The following OARD1 variants were observed in gnomAD, a reference collection of about 807,000 sequenced individuals.
OARD1 encodes ADP-ribose glycohydrolase OARD1.
Under a neutral mutation model 19.7 loss-of-function variants are expected in OARD1, and 19 were observed. That is an observed-to-expected ratio of 0.96 (90% CI 0.67 to 1.41). The LOEUF (loss-of-function observed/expected upper bound fraction) is 1.41, where lower values mean the gene tolerates loss of function less well. Among genes scored for constraint, OARD1 ranks in the 40% most tolerant of loss-of-function variants. The pLI, the probability that OARD1 is intolerant of heterozygous loss-of-function variation, is 0.00. For synonymous variants in OARD1, 70 were observed against 61.8 expected (o/e 1.13, Z -0.62); for missense variants, 190 against 183.8 (o/e 1.03, Z -0.20).
At chr6:41,090,894 AGTTAAAT>A (rs1247068288) in intron 1 of OARD1, among the ~76,000 whole-genome samples, 2 of 152,254 alleles carry the variant, frequency 1.3e-5, no homozygotes, top group African/African-American at 4.8e-5. Context: ...TTAGTCAAAT[AGTTAAAT>A]CAAAAAAGGA....
At chr6:41,072,588 C>A (rs1031552475), upstream of OARD1, 2 of 152,480 alleles carry the variant, frequency 1.3e-5, no homozygotes, top group Admixed American at 6.5e-5. Flanking sequence ...GGTTTCCCGC[C>A]GCCGCCCGCG....
chr6:41,089,483 A>AT (rs1764139930), intron 1 of OARD1: 2 of 1,354,218 alleles, frequency 1.5e-6, no homozygotes, highest in Non-Finnish European at 1.9e-6. Context: ...TCTTCAGAAC[A>AT]TTTTCTGCTT....
upstream of OARD1, among the ~76,000 whole-genome samples, chr6:41,073,764 C>T (rs1372567033): frequency 2.0e-5 from 3 of 152,012 alleles, no homozygotes; most frequent in African/African-American, 7.2e-5. Flanking sequence ...GTTAGTTCGC[C>T]CACTCCCCCT....
intron 1 of OARD1, among the ~76,000 whole-genome samples, chr6:41,096,440 T>G (rs1226350356): frequency 6.6e-6 from 1 of 152,224 alleles, no homozygotes; most frequent in Non-Finnish European, 1.5e-5. Context: ...TTCAGCCTCT[T>G]TTATTTTTAT....
intron 1 of OARD1, among the ~76,000 whole-genome samples, chr6:41,087,767 A>G (rs772000882): frequency 2.6e-5 from 4 of 152,234 alleles, no homozygotes; most frequent in Admixed American, 6.5e-5. Context: ...TGTACACCCA[A>G]CATTTAAAGG....
intron 1 of OARD1, among the ~76,000 whole-genome samples, chr6:41,085,356 A>C (rs1006383801): frequency 6.6e-6 from 1 of 152,228 alleles, no homozygotes; most frequent in Non-Finnish European, 1.5e-5. Context: ...AATAAATCAT[A>C]ATATATTCAT....
intron 1 of OARD1, chr6:41,092,873 TTCATGCCACCAATAAGCTCTGGTTTCC>T (rs1358782346): frequency 3.8e-6 from 6 of 1,590,200 alleles, no homozygotes; most frequent in Non-Finnish European, 5.1e-6. Context: ...ATGTCCATAC[TTCATGCCACCAATAAGCTCTGGTTTCC>T]TGTTCACACA....
chr6:41,090,360 C>A, intron 1 of OARD1: 2 of 1,158,948 alleles, frequency 1.7e-6, no homozygotes, highest in South Asian at 2.5e-5. Flanking sequence ...ACTTTTTTGT[C>A]CCTTAGACAA....
At chr6:41,074,051 T>C (rs985014544), upstream of OARD1, among the ~76,000 whole-genome samples, 1 of 152,212 alleles carries the variant, frequency 6.6e-6, no homozygotes, top group Non-Finnish European at 1.5e-5. Flanking sequence ...ACTAATCTTA[T>C]CCACTGCTCA....
chr6:41,080,806 C>G, intron 1 of OARD1: 3 of 1,611,968 alleles, frequency 1.9e-6, no homozygotes, highest in Non-Finnish European at 2.5e-6. Context: ...TGTTCCTGTT[C>G]TCAGCAGCAG....
chr6:41,090,194 T>C (rs1382839747), intron 1 of OARD1: 3 of 1,573,718 alleles, frequency 1.9e-6, no homozygotes, highest in African/African-American at 2.7e-5. Context: ...TCATTACTTA[T>C]TTCCTCCAGA....
At position 41,091,788 on chromosome 6, in the gene OARD1, T is replaced by A. The variant is rs543371739; in HGVS notation, c.-42+5925A>T. On this transcript the variant is annotated intron_variant, in intron 1 of 4. Coordinates refer to the OARD1 transcript ENST00000480585. ...ATTTATTATGTTGACCTCTTGGGAT[T>A]GAGATCGATCCTTAAGGCACTGTCG... 3.5e-5 allele frequency: 50 copies of A among 1,410,026 alleles called. 1 individual carries two copies. The African/African-American group carries it at 5.0e-4, about 14-fold the overall frequency. The allele number at this position is 1,410,026 out of a possible 1,614,324, so 87.3% of individuals were successfully genotyped here.
At chr6:41,086,271 C>T (rs915956067) in intron 1 of OARD1, among the ~76,000 whole-genome samples, 3 of 152,066 alleles carry the variant, frequency 2.0e-5, no homozygotes, top group Admixed American at 6.5e-5. Flanking sequence ...ATTTAATTGT[C>T]GGTTTGCTCA....
chr6:41,069,145 G>C (rs1763187844), intron 4 of OARD1, 192 bp from the exon 5 acceptor site: 3 of 416,560 alleles, frequency 7.2e-6, no homozygotes, highest in South Asian at 5.1e-5. Context: ...CCACTAAATA[G>C]AGGCTGAGAA....
chr6:41,088,195 G>T (rs1321564546), intron 1 of OARD1, among the ~76,000 whole-genome samples: 1 of 151,960 alleles, frequency 6.6e-6, no homozygotes, highest in Non-Finnish European at 1.5e-5. Context: ...GAGGCGGGTG[G>T]ATCACAAGGT....
At chr6:41,083,101 A>G (rs1358953223) in intron 1 of OARD1, among the ~76,000 whole-genome samples, 1 of 152,256 alleles carries the variant, frequency 6.6e-6, no homozygotes, top group Non-Finnish European at 1.5e-5. Context: ...ATAGAGTCTG[A>G]AAATGAAAAT....
intron 1 of OARD1, among the ~76,000 whole-genome samples, chr6:41,086,522 G>GTT (rs35163651): frequency 6.6e-6 from 1 of 151,892 alleles, no homozygotes; most frequent in Admixed American, 6.6e-5. Flanking sequence ...TTGTATAGGA[G>GTT]TTTTTTTTCT....
At chr6:41,090,158 G>A in intron 1 of OARD1, 1 of 1,257,458 alleles carries the variant, frequency 8.0e-7, no homozygotes, top group Non-Finnish European at 1.2e-6. Context: ...TTCTTTGTTA[G>A]TATCTTTGGG....
intron 1 of OARD1, among the ~76,000 whole-genome samples, chr6:41,092,130 G>A (rs928808110): frequency 1.3e-5 from 2 of 152,216 alleles, no homozygotes; most frequent in African/African-American, 4.8e-5. Context: ...TTTGGGTGGT[G>A]TAACTGAAAG....
Sources: gnomAD v4.1 joint callset for allele counts (sites outside exome capture counted in the v4.1 genomes callset) on GRCh38, gnomAD v4.1.1 for gene constraint, MANE v1.5 for transcripts, NCBI Gene and HGNC (gene_info 2026-07-23, HGNC 2026-07-21) for gene names.